Variants in ENOX1 observed in about 807,000 individuals in gnomAD.
ENOX1 encodes candidate growth-related and time keeping constitutive hydroquinone (NADH) oxidase.
A neutral mutation model predicts 82.5 loss-of-function variants in ENOX1; 42 were observed. That is an observed-to-expected ratio of 0.51 (90% CI 0.40 to 0.66). The LOEUF (loss-of-function observed/expected upper bound fraction) is 0.66, where lower values mean the gene tolerates loss of function less well. ENOX1 is among the 30% of genes least tolerant of loss of function. The pLI is 0.00. For synonymous variants in ENOX1, 271 were observed against 282.2 expected, an observed-to-expected ratio of 0.96 and a Z score of 0.40; for missense variants, 608 against 811.6, an observed-to-expected ratio of 0.75 and a Z score of 3.05.
intron 2 of ENOX1, among the ~76,000 whole-genome samples, chr13:43,568,873 G>A (rs752777386): frequency 1.3e-5 from 2 of 152,032 alleles, no homozygotes; most frequent in African/African-American, 4.8e-5. Context: ...GCTGTCTTTG[G>A]GGTCTGATTT....
At chr13:43,569,282 TA>T (rs2080064419) in intron 2 of ENOX1, among the ~76,000 whole-genome samples, 2 of 152,146 alleles carry the variant, frequency 1.3e-5, no homozygotes, top group African/African-American at 2.4e-5. Context: ...GCATATCACA[TA>T]AGCATATAAA....
intron 2 of ENOX1, among the ~76,000 whole-genome samples, chr13:43,637,178 C>T (rs2083445994): frequency 6.6e-6 from 1 of 152,142 alleles, no homozygotes; most frequent in Admixed American, 6.5e-5. Flanking sequence ...AAAAGCCCAG[C>T]GTGTTCAGCC....
At chr13:43,265,331 T>G (rs1456883452) in intron 14 of ENOX1, 67 bp downstream of exon 14, 14 of 1,340,832 alleles carry the variant, frequency 1.0e-5, no homozygotes, top group Non-Finnish European at 1.4e-5. Flanking sequence ...GTAGATAAAG[T>G]GCTACATCCC....
At chr13:43,248,589 C>CT (rs529621171) in intron 14 of ENOX1, among the ~76,000 whole-genome samples, 3 of 151,774 alleles carry the variant, frequency 2.0e-5, no homozygotes, top group Admixed American at 6.6e-5. Context: ...AGCTTATAAC[C>CT]TTTTTTCCTT....
At chr13:43,747,883 G>T (rs767856750) in intron 1 of ENOX1, among the ~76,000 whole-genome samples, 6 of 152,160 alleles carry the variant, frequency 3.9e-5, no homozygotes, top group Admixed American at 1.3e-4. Context: ...CAGATCTTTT[G>T]TCACCAGTAT....
chr13:43,601,770 C>T (rs576926531), intron 2 of ENOX1, among the ~76,000 whole-genome samples: 2 of 152,166 alleles, frequency 1.3e-5, no homozygotes, highest in South Asian at 2.1e-4. Context: ...AACTCCCAAA[C>T]GTCAGGGATA....
At chr13:43,304,064 C>T (rs1412696379) in intron 11 of ENOX1, among the ~76,000 whole-genome samples, 8 of 152,242 alleles carry the variant, frequency 5.3e-5, no homozygotes, top group Admixed American at 5.2e-4. Flanking sequence ...ACTCCATGTT[C>T]TGCACCTGGG....
intron 2 of ENOX1, among the ~76,000 whole-genome samples, chr13:43,507,183 A>C (rs995039630): frequency 2.0e-5 from 3 of 151,920 alleles, no homozygotes; most frequent in Non-Finnish European, 4.4e-5. Flanking sequence ...CAGAAGACAA[A>C]AGACAAAGGA....
In ENOX1 at chr13:43,724,612, A is replaced by G. The variant is rs528453101; in HGVS notation, c.-284-57068T>C. 2.6e-5 allele frequency among the ~76,000 whole-genome samples: 4 copies of G among 152,370 alleles called. No individual in the cohort carries two copies. The East Asian group carries it at 7.7e-4, about 29-fold the overall frequency. On this transcript the variant is annotated intron_variant, in intron 1 of 16. Coordinates refer to ENST00000690772, the MANE Select transcript of ENOX1 (RefSeq NM_001347969.2). ...CAATTAACACCGAATCCATAAGTGT[A>G]GATTAAACAAAAACCAGTCAAGTTT...
intron 15 of ENOX1, among the ~76,000 whole-genome samples, chr13:43,233,225 C>T (rs1338842427): frequency 6.6e-6 from 1 of 152,176 alleles, no homozygotes; most frequent in Non-Finnish European, 1.5e-5. Flanking sequence ...AATTATATGT[C>T]AACCTGTCTC....
rs1457383197 is a variant in ENOX1, at chr13:43,356,016, C to T, written c.726G>A (p.Arg242=). The change falls in exon 8 of 17, where the codon CGG becomes CGA. Residue 242 remains arginine (R), a synonymous_variant. Coordinates refer to ENST00000690772, the MANE Select transcript of ENOX1 (RefSeq NM_001347969.2). The part of the protein sequence containing the change: ...QRMRAREERH[R]RKLEEDRLRP... ...TGAGCCGGTCCTCCTCCAGCTTGCGCCGGTGCCGCTCCTCCCGGGCACGCA... is the reference window on the plus strand; with the variant it reads ...TGAGCCGGTCCTCCTCCAGCTTGCGTCGGTGCCGCTCCTCCCGGGCACGCA... 1.2e-6 allele frequency: 2 copies of T among 1,614,076 alleles called. No individual in the cohort carries two copies. Among genetic ancestry groups the T allele is most frequent in the Admixed American group, 1.7e-5 (1 of 60,034 alleles).
chr13:43,336,555 T>C (rs9567152), intron 9 of ENOX1, among the ~76,000 whole-genome samples: 30,010 of 152,176 alleles, frequency 0.2, 3,835 homozygotes, highest in East Asian at 0.55. Context: ...AAATTCACAG[T>C]GTAGCCCAGG....
intron 16 of ENOX1, among the ~76,000 whole-genome samples, chr13:43,214,465 C>T (rs2041359990): frequency 6.6e-6 from 1 of 152,234 alleles, no homozygotes; most frequent in Middle Eastern, 3.4e-3. Context: ...AATCCATCAC[C>T]ACTCCTGGAA....
chr13:43,513,222 T>C (rs1407722579), intron 2 of ENOX1, among the ~76,000 whole-genome samples: 1 of 152,054 alleles, frequency 6.6e-6, no homozygotes, highest in East Asian at 1.9e-4. Context: ...GGAAGTAGAA[T>C]GGCTCGAACC....
At chr13:43,226,216 A>T (rs2042016651) in intron 15 of ENOX1, among the ~76,000 whole-genome samples, 1 of 152,242 alleles carries the variant, frequency 6.6e-6, no homozygotes, top group South Asian at 2.1e-4. Context: ...ATTTCTTTAA[A>T]AAAATTAGAA....
At chr13:43,644,144 ATG>A (rs995132474) in intron 2 of ENOX1, among the ~76,000 whole-genome samples, 1 of 152,168 alleles carries the variant, frequency 6.6e-6, no homozygotes, top group South Asian at 2.1e-4. Context: ...TCACACACAC[ATG>A]TGAGTTATCA....
At chr13:43,654,837 C>G (rs1268283290) in intron 2 of ENOX1, among the ~76,000 whole-genome samples, 3 of 152,132 alleles carry the variant, frequency 2.0e-5, no homozygotes, top group Non-Finnish European at 2.9e-5. Context: ...ATGGAACTAT[C>G]CCTTCATTTA....
chr13:43,763,380 T>C (rs1482620327), intron 1 of ENOX1, among the ~76,000 whole-genome samples: 4 of 152,168 alleles, frequency 2.6e-5, no homozygotes, highest in African/African-American at 9.7e-5. Context: ...CCTGGCTCTT[T>C]TACAAGTCAC....
rs550861881 is a variant in ENOX1, at chr13:43,573,892, C to T, written c.-218-89740G>A. Among the ~76,000 whole-genome samples, 155 of 152,244 alleles carry T rather than the reference C, an allele frequency of 1.0e-3. 2 individuals carry two copies. Among genetic ancestry groups the T allele is most frequent in the Admixed American group, 9.4e-3 (143 of 15,292 alleles). ...AAACTTCAGTATCCAGCATTAAAGG[C>T]TTTCCAAGGCAAAATACATTGTGCA... On this transcript the variant is annotated intron_variant, in intron 2 of 16. Coordinates refer to ENST00000690772, the MANE Select transcript of ENOX1 (RefSeq NM_001347969.2).
Sources: allele counts gnomAD v4.1 joint callset (sites outside exome capture counted in the v4.1 genomes callset), GRCh38; gene constraint gnomAD v4.1.1; transcripts MANE v1.5; gene names NCBI Gene and HGNC (gene_info 2026-07-23, HGNC 2026-07-21).